ZCCHC4: variants seen among roughly 807,000 people sequenced by gnomAD.
ZCCHC4 encodes the protein rRNA N(6)-adenosine-methyltransferase ZCCHC4.
ZCCHC4 carries 54 observed loss-of-function variants against 67.7 expected under a neutral mutation model. The ratio of observed to expected loss-of-function variants is 0.80; its 90% CI spans 0.64 to 1.00. The LOEUF is 1.00. Ranked by LOEUF, ZCCHC4 falls within the 50% of genes least tolerant of loss-of-function variation. ZCCHC4 has a pLI of 0.00. For synonymous variants in ZCCHC4, 198 were observed against 213.5 expected (o/e 0.93, Z 0.63); for missense variants, 609 against 617.0 (o/e 0.99, Z 0.14).
Position 25,345,275 on chromosome 4 carries a change from T to A in ZCCHC4, c.687-273T>A, listed in dbSNP as rs181794173. Among the ~76,000 whole-genome samples, 711 of 152,342 alleles carry A rather than the reference T, an allele frequency of 4.7e-3. 10 individuals carry two copies. The highest frequency in any genetic ancestry group is 0.016 in the African/African-American group (682 of 41,584). The stretch of plus-strand genomic sequence containing the variant: ...AATCATCTGTCAGTAACCTGATTGT[T>A]TATGTATAACCTCCTGGTACATAGG... On this transcript the variant is annotated intron_variant, in intron 5 of 12. Coordinates refer to ENST00000302874, the MANE Select transcript of ZCCHC4 (RefSeq NM_024936.3).
intron 12 of ZCCHC4, chr4:25,366,269 A>G (rs1176804041): frequency 1.1e-6 from 1 of 885,580 alleles, no homozygotes; most frequent in Admixed American, 6.2e-5. Context: ...AATCCAGGAT[A>G]AAGTAGAGTT....
intron 3 of ZCCHC4, among the ~76,000 whole-genome samples, chr4:25,322,527 T>G (rs1461023548): frequency 6.6e-6 from 1 of 152,056 alleles, no homozygotes; most frequent in Non-Finnish European, 1.5e-5. Flanking sequence ...TTTTTTTTAT[T>G]TTTTTGAGAC....
intron 3 of ZCCHC4, among the ~76,000 whole-genome samples, chr4:25,330,709 T>C (rs1322955082): frequency 6.6e-6 from 1 of 152,210 alleles, no homozygotes; most frequent in Non-Finnish European, 1.5e-5. Flanking sequence ...GGCTAATTTT[T>C]CCTCCCTACT....
At chr4:25,314,517 A>G (rs1718147046) in intron 2 of ZCCHC4, among the ~76,000 whole-genome samples, 1 of 152,218 alleles carries the variant, frequency 6.6e-6, no homozygotes, top group South Asian at 2.1e-4. Context: ...TGGGAAGTCC[A>G]GGATCAAGAT....
Position 25,315,304 on chromosome 4 carries a change from G to A in ZCCHC4, c.247-14G>A, listed in dbSNP as rs768425582. 1 of 1,605,360 alleles carries A rather than the reference G, an allele frequency of 6.2e-7. No homozygotes were observed. Among genetic ancestry groups the A allele is most frequent in the Non-Finnish European group, 8.5e-7 (1 of 1,176,234 alleles). On this transcript the variant is annotated splice_polypyrimidine_tract_variant and intron_variant, in intron 2 of 12. Transcript: ENST00000302874. Reference sequence around the variant, plus strand: ...TTTCACAGTTTATTCAATGGGTTTTGTACTCTCTTTCAGTTGTCAGGAGCT... The same window carrying A: ...TTTCACAGTTTATTCAATGGGTTTTATACTCTCTTTCAGTTGTCAGGAGCT...
At chr4:25,337,537 C>T (rs2109069044) in intron 5 of ZCCHC4, among the ~76,000 whole-genome samples, 2 of 152,302 alleles carry the variant, frequency 1.3e-5, no homozygotes, top group Non-Finnish European at 2.9e-5. Context: ...CTTGCCTATT[C>T]CAGAGCCATC....
chr4:25,358,942 C>A (rs942958245), intron 8 of ZCCHC4, among the ~76,000 whole-genome samples: 3 of 152,204 alleles, frequency 2.0e-5, no homozygotes, highest in African/African-American at 7.2e-5. Context: ...TTTCCAGTTA[C>A]CCGCCACTGG....
Position 25,345,635 on chromosome 4 carries a change from C to T in ZCCHC4, c.759+15C>T. ...TTGATGGAAAGGTAAGAGCTGTGAC[C>T]ATTATCTCATTGTTCTCTTATTGTG... On this transcript the variant is annotated intron_variant, in intron 6 of 12. Transcript: ENST00000302874. 1 of 1,493,328 alleles carries T rather than the reference C, an allele frequency of 6.7e-7. No individual in the cohort carries two copies. Among genetic ancestry groups the T allele is most frequent in the Admixed American group, 1.8e-5 (1 of 55,594 alleles). The allele number at this position is 1,493,328 out of a possible 1,614,324, so 92.5% of individuals were successfully genotyped here. A position where few individuals can be genotyped will look rare whatever the true frequency, so the allele number is the denominator to read the frequency against.
At chr4:25,360,754 C>T (rs1720697652) in intron 8 of ZCCHC4, among the ~76,000 whole-genome samples, 1 of 152,192 alleles carries the variant, frequency 6.6e-6, no homozygotes, top group South Asian at 2.1e-4. Context: ...AACCCTACAC[C>T]TTGAGCCATT....
At chr4:25,341,251 T>C (rs1233849467) in intron 5 of ZCCHC4, among the ~76,000 whole-genome samples, 1 of 152,112 alleles carries the variant, frequency 6.6e-6, no homozygotes, top group Non-Finnish European at 1.5e-5. Context: ...TTTTGTGGAG[T>C]TGATATGGTT....
intron 12 of ZCCHC4, chr4:25,365,853 C>T (rs1238358062): frequency 1.7e-5 from 17 of 985,188 alleles, no homozygotes; most frequent in Middle Eastern, 1.0e-3. Flanking sequence ...CTATTTTAAC[C>T]GAGCTAATTT....
At position 25,312,825 on chromosome 4, in the gene ZCCHC4, A is replaced by C. The variant is rs569937880; in HGVS notation, c.16A>C (p.Asn6His). The C allele has an allele frequency of 6.2e-7, 1 of 1,613,036 alleles. No homozygotes were observed. The highest frequency in any genetic ancestry group is 1.7e-5 in the Admixed American group (1 of 60,014). Residue 6 changes from asparagine (N) to histidine (H), a missense_variant, in exon 1 of 13, where the codon AAT (asparagine) becomes CAT (histidine). By Grantham distance (68) the Asn-to-His change is moderately conservative. Transcript: ENST00000302874. MAASR[N>H]GFEAVEAEGS... ...CGGCGGGAAGATGGCGGCCTCCAGG[A>C]ATGGGTTTGAAGCCGTGGAGGCAGA...
At chr4:25,336,481 G>T (rs1408267001) in intron 5 of ZCCHC4, among the ~76,000 whole-genome samples, 1 of 151,982 alleles carries the variant, frequency 6.6e-6, no homozygotes, top group African/African-American at 2.4e-5. Flanking sequence ...ATTATTAATA[G>T]GGGATATTTT....
intron 3 of ZCCHC4, among the ~76,000 whole-genome samples, chr4:25,329,387 T>C (rs1319987441): frequency 2.0e-5 from 3 of 152,034 alleles, no homozygotes; most frequent in African/African-American, 7.2e-5. Context: ...AGTTTTTCAT[T>C]TTGTATCATT....
intron 8 of ZCCHC4, among the ~76,000 whole-genome samples, chr4:25,360,900 G>A (rs1451991832): frequency 6.6e-6 from 1 of 152,204 alleles, no homozygotes; most frequent in Non-Finnish European, 1.5e-5. Context: ...TTGAAACTGG[G>A]CATGGGCAAA....
chr4:25,335,590 T>C (rs1719419170), intron 5 of ZCCHC4, among the ~76,000 whole-genome samples: 1 of 151,992 alleles, frequency 6.6e-6, no homozygotes, highest in Non-Finnish European at 1.5e-5. Flanking sequence ...TAAAACCCCA[T>C]TGCTACTAAA....
At chr4:25,360,196 T>C (rs949554397) in intron 8 of ZCCHC4, among the ~76,000 whole-genome samples, 6 of 152,248 alleles carry the variant, frequency 3.9e-5, no homozygotes, top group African/African-American at 1.2e-4. Flanking sequence ...AATGATATTA[T>C]GCTAACCTCT....
intron 3 of ZCCHC4, among the ~76,000 whole-genome samples, chr4:25,328,064 G>A (rs536140276): frequency 6.6e-6 from 1 of 152,076 alleles, no homozygotes; most frequent in East Asian, 1.9e-4. Flanking sequence ...TTTTTTTCCT[G>A]GTTTTGGTAT....
rs575136135 is a variant in ZCCHC4 at position 25,351,692 on chromosome 4, A to G, written c.1011+3A>G. ...GCTTCCAGATGCTGGATTACCAGGTAGAGTACATATTCTGTTTTCTGGCAT... is the reference window on the plus strand; with the variant it reads ...GCTTCCAGATGCTGGATTACCAGGTGGAGTACATATTCTGTTTTCTGGCAT... On this transcript the variant is annotated splice_donor_region_variant and intron_variant, in intron 8 of 12. Transcript: ENST00000302874. 1.9e-6 allele frequency: 3 copies of G among 1,602,006 alleles called. No individual in the cohort carries two copies. In the East Asian group the frequency reaches 6.7e-5, roughly 36 times the overall value.
Sources: allele counts gnomAD v4.1 joint callset (sites outside exome capture counted in the v4.1 genomes callset), GRCh38; gene constraint gnomAD v4.1.1; transcripts MANE v1.5; gene names NCBI Gene and HGNC (gene_info 2026-07-23, HGNC 2026-07-21).